The following HGS variants were observed in gnomAD, a reference collection of about 807,000 sequenced individuals.
HGS encodes the protein human growth factor-regulated tyrosine kinase substrate.
In HGS, 63 loss-of-function variants were observed where a neutral mutation model predicts 109.7. The observed-to-expected ratio is 0.57, with a 90% CI of 0.47 to 0.71. The LOEUF is 0.71. Ranked by LOEUF, HGS falls within the 30% of genes least tolerant of loss-of-function variation. The pLI, the probability that HGS is intolerant of heterozygous loss-of-function variation, is 0.00. For missense variants in HGS, 995 were observed against 1,068.3 expected, an observed-to-expected ratio of 0.93 and a Z score of 0.96; for synonymous variants, 546 against 437.3, an observed-to-expected ratio of 1.25 and a Z score of -3.10.
chr17:81,685,156 G>C lies in HGS; in HGVS notation c.38-449G>C, dbSNP rs2036955692. 33 of 737,374 alleles carry C rather than the reference G, an allele frequency of 4.5e-5. No homozygotes were observed. The South Asian group carries it at 1.0e-3, about 23-fold the overall frequency. The allele number at this position is 737,374 out of a possible 1,614,324, so 45.7% of individuals were successfully genotyped here. The stretch of plus-strand genomic sequence containing the variant: ...GAGCAAGGGGCCTGGAGTCTACACT[G>C]CAGGCCTCTCTAGCCCTTGCCCAAG... On this transcript the variant is annotated intron_variant, in intron 1 of 21. Coordinates refer to ENST00000329138, the MANE Select transcript of HGS (RefSeq NM_004712.5).
In HGS at chr17:81,695,210, G is replaced by T; in HGVS notation, c.1166G>T (p.Gly389Val). ...TCTCAGCCCATTCCTCCCTCTGGTG[G>T]CCCCTTTAGTGAGGTAAGCTGTGGC... ...TDSQPIPPSG[G>V]PFSEPQFHNG... The change falls in exon 14 of 22, where the codon GGC (glycine) becomes GTC (valine). Residue 389 changes from glycine to valine, a missense_variant. Gly to Val is a moderately radical substitution (Grantham distance 109). Transcript: ENST00000329138. 6.2e-7 allele frequency: 1 copy of T among 1,614,150 alleles called. No individual in the cohort carries two copies. The highest frequency in any genetic ancestry group is 2.2e-5 in the East Asian group (1 of 44,882).
rs2037049437 is a variant in HGS at position 81,690,666 on chromosome 17, C to T, written c.469-8C>T. 6.2e-7 allele frequency: 1 copy of T among 1,611,118 alleles called. No homozygotes were observed. The highest frequency in any genetic ancestry group is 1.1e-5 in the South Asian group (1 of 90,790). ...AAGCGTGTGGTCCTGACTGCTGCCC[C>T]TCCTCAGGCCCCAGACTGGGTGGAC... On this transcript the variant is annotated splice_region_variant and splice_polypyrimidine_tract_variant and intron_variant, in intron 6 of 21. Transcript: ENST00000329138.
At chr17:81,695,605 C>T (rs973672657) in intron 14 of HGS, 181 bp from the exon 15 acceptor site, 11 of 631,476 alleles carry the variant, frequency 1.7e-5, no homozygotes, top group African/African-American at 1.6e-4. Flanking sequence ...GGGCTTGCAG[C>T]TGGACAAGGA....
Position 81,685,593 on chromosome 17 carries a change from T to A in HGS, c.38-12T>A. On this transcript the variant is annotated splice_polypyrimidine_tract_variant and intron_variant, in intron 1 of 21. Transcript: ENST00000329138. ...GGATAACCCCTCCCTTTCATGGCATTTTCTCTCTCAGACAAGGCGACCAGC... is the reference window on the plus strand; with the variant it reads ...GGATAACCCCTCCCTTTCATGGCATATTCTCTCTCAGACAAGGCGACCAGC... 2 of 1,603,428 alleles carry A rather than the reference T, an allele frequency of 1.2e-6. No individual in the cohort carries two copies. The highest frequency in any genetic ancestry group is 1.7e-6 in the Non-Finnish European group (2 of 1,173,990).
intron 5 of HGS, among the ~76,000 whole-genome samples, chr17:81,689,515 TGAGA>T (rs1012054822): frequency 1.3e-5 from 2 of 151,926 alleles, no homozygotes; most frequent in East Asian, 3.9e-4. Flanking sequence ...GCCCACTCAG[TGAGA>T]GAGAGGTGGG....
chr17:81,688,841 G>A lies in HGS; in HGVS notation c.415+14G>A. 6.2e-7 allele frequency: 1 copy of A among 1,614,102 alleles called. No homozygotes were observed. Among genetic ancestry groups the A allele is most frequent in the Non-Finnish European group, 8.5e-7 (1 of 1,179,990 alleles). On this transcript the variant is annotated intron_variant, in intron 5 of 21. Transcript: ENST00000329138. ...TGAAGGTGGAGGGTGAGTCAGGACT[G>A]AGGTTGGGACCAGGTTGAGGCTTGG...
At chr17:81,684,614 T>C (rs2036942240) in intron 1 of HGS, among the ~76,000 whole-genome samples, 1 of 152,184 alleles carries the variant, frequency 6.6e-6, no homozygotes, top group Non-Finnish European at 1.5e-5. Context: ...AAGTGCCTAA[T>C]GGTTTAGGAA....
chr17:81,697,311 T>G, intron 18 of HGS: 3 of 209,548 alleles, frequency 1.4e-5, no homozygotes, highest in Non-Finnish European at 9.4e-6. Context: ...GTCCCAGTGG[T>G]GTCCTGTAAA....
At chr17:81,700,671 C>T (rs2037223123) in intron 19 of HGS, 24 bp from the exon 20 acceptor site, 2 of 1,602,228 alleles carry the variant, frequency 1.2e-6, no homozygotes, top group South Asian at 1.1e-5. Flanking sequence ...GCCCCTTCTC[C>T]CATGGCACTC....
At position 81,701,041 on chromosome 17, in the gene HGS, A is replaced by G. The variant is rs939769822; in HGVS notation, c.2137-4A>G. 2 of 1,613,492 alleles carry G rather than the reference A, an allele frequency of 1.2e-6. No homozygotes were observed. Among genetic ancestry groups the G allele is most frequent in the Non-Finnish European group, 1.7e-6 (2 of 1,179,548 alleles). On this transcript the variant is annotated splice_polypyrimidine_tract_variant and splice_region_variant and intron_variant, in intron 20 of 21. Transcript: ENST00000329138. ...CTCTCACATCTGACGTCTTCTCACA[A>G]CAGAATCTCATGACCACCCTCCCAA... is the stretch of plus-strand genomic sequence containing the variant.
chr17:81,684,887 C>A, intron 1 of HGS: 1 of 985,102 alleles, frequency 1.0e-6, no homozygotes, highest in Non-Finnish European at 1.2e-6. Context: ...ATCTCAGCCA[C>A]ACAGGTAGTT....
chr17:81,691,570 A>G lies in HGS; in HGVS notation c.661A>G (p.Arg221Gly). ...TGAGCCCTGCTACGAGCAGCTGAAC[A>G]GGTGAGTCCCCGCCCCCCATTTGGG... ...VCEPCYEQLN[R>G]KAEGKATSTT... is the part of the protein sequence containing the mutation. Residue 221 changes from arginine (R) to glycine (G), a missense_variant and splice_region_variant, in exon 8 of 22, where the codon AGG (arginine) becomes GGG (glycine). Physicochemically the swap from Arg to Gly is moderately radical, Grantham distance 125. Coordinates refer to ENST00000329138, the MANE Select transcript of HGS (RefSeq NM_004712.5). This position sits in a 1 kb window ranked among gnomAD's most constrained non-coding sequence, Gnocchi z 5.3. 3.1e-6 allele frequency: 5 copies of G among 1,613,972 alleles called. No individual in the cohort carries two copies. The highest frequency in any genetic ancestry group is 4.2e-6 in the Non-Finnish European group (5 of 1,179,942).
chr17:81,690,033 G>T (rs762265049), intron 5 of HGS, 149 bp from the exon 6 acceptor site: 6 of 724,158 alleles, frequency 8.3e-6, no homozygotes, highest in Non-Finnish European at 1.3e-5. Context: ...CCCAATCTTG[G>T]GGGCAGGAGG....
At chr17:81,694,740 ACTGGGGACATCC>A in intron 11 of HGS, 63 bp from the exon 12 acceptor site, 2 of 1,569,362 alleles carry the variant, frequency 1.3e-6, no homozygotes, top group Non-Finnish European at 1.8e-6. Context: ...GATCTGTCGC[ACTGGGGACATCC>A]CTGTCCCTGC....
chr17:81,692,476 C>G (rs2037079705), intron 8 of HGS: 1 of 152,264 alleles, frequency 6.6e-6, no homozygotes, highest in African/African-American at 2.4e-5. Flanking sequence ...CCGGAAAGTT[C>G]CTTTTCCTTC....
intron 7 of HGS, chr17:81,690,978 C>G: frequency 1.9e-6 from 1 of 533,088 alleles, no homozygotes; most frequent in Non-Finnish European, 3.3e-6. Flanking sequence ...ATGTTTTAAA[C>G]CTAGGGCTAC....
chr17:81,701,401 C>T, intron 21 of HGS, 107 bp from the exon 22 acceptor site: 2 of 1,219,434 alleles, frequency 1.6e-6, no homozygotes, highest in Non-Finnish European at 2.3e-6. Context: ...AGTCCGTGGA[C>T]ATGGATTACA....
rs750101674 is a variant in HGS, at chr17:81,700,638, C to T, written c.2016+38C>T. On this transcript the variant is annotated intron_variant, in intron 19 of 21. Coordinates refer to ENST00000329138, the MANE Select transcript of HGS (RefSeq NM_004712.5). ...GCCGCTCCTCTCCTTCCAGGGCCAG[C>T]CCCAGCCCCAGCCCCAGCCCCAGCC... The T allele has an allele frequency of 3.0e-6, 4 of 1,320,756 alleles. No individual in the cohort carries two copies. In the Admixed American group the frequency reaches 8.5e-5, roughly 28 times the overall value. The allele number at this position is 1,320,756 out of a possible 1,614,324, so 81.8% of individuals were successfully genotyped here.
chr17:81,700,985 A>T lies in HGS; in HGVS notation c.2137-60A>T, dbSNP rs993898824. 4 of 1,560,830 alleles carry T rather than the reference A, an allele frequency of 2.6e-6. No homozygotes were observed. The African/African-American group carries it at 5.4e-5, about 21-fold the overall frequency. On this transcript the variant is annotated intron_variant, in intron 20 of 21. Coordinates refer to ENST00000329138, the MANE Select transcript of HGS (RefSeq NM_004712.5). ...ACCTTTGGATTGTTGCAAGCCAGAA[A>T]CATCCCCGCCTGCCTGGTCACAGGG... is the stretch of plus-strand genomic sequence containing the variant.
Sources: allele counts gnomAD v4.1 joint callset (sites outside exome capture counted in the v4.1 genomes callset), GRCh38; gene constraint gnomAD v4.1.1; non-coding constraint Gnocchi (gnomAD v3.1); transcripts MANE v1.5; gene names NCBI Gene and HGNC (gene_info 2026-07-23, HGNC 2026-07-21).